RIMKLB: variants seen among roughly 807,000 people sequenced by gnomAD.
RIMKLB encodes the protein ribosomal modification protein rimK like family member B, also known as beta-citrylglutamate synthase B.
In RIMKLB, 7 loss-of-function variants were observed where a neutral mutation model predicts 32.0. The observed-to-expected ratio is 0.22, with a 90% CI of 0.12 to 0.41. The LOEUF is 0.41. RIMKLB is among the 10% of genes least tolerant of loss of function. RIMKLB has a pLI of 1.00. For synonymous variants in RIMKLB, 172 were observed against 185.1 expected (o/e 0.93, Z 0.57); for missense variants, 289 against 498.7 (o/e 0.58, Z 4.00).
chr12:8,684,912 C>G (rs1000714291), intron 1 of RIMKLB, among the ~76,000 whole-genome samples: 8 of 152,170 alleles, frequency 5.3e-5, no homozygotes, highest in Non-Finnish European at 1.0e-4. Context: ...CGTGAGCAAC[C>G]GCACCCAGCC....
Position 8,766,553 on chromosome 12 carries a change from T to A in RIMKLB, c.698-6768T>A, listed in dbSNP as rs1949984733. ...TTTTGATTCTGTAAGTACTTTAAGG[T>A]TTGGCTGAGTGCAAACAGCTCGCAG... is the stretch of plus-strand genomic sequence containing the variant. On this transcript the variant is annotated intron_variant, in intron 5 of 5. Coordinates refer to ENST00000535829, the MANE Select transcript of RIMKLB (RefSeq NM_001297776.2). 2.0e-5 allele frequency among the ~76,000 whole-genome samples: 3 copies of A among 152,194 alleles called. No individual in the cohort carries two copies. In the South Asian group the frequency reaches 6.2e-4, roughly 32 times the overall value.
Position 8,774,597 on chromosome 12 carries a change from C to G in RIMKLB, c.*813C>G. The G allele has an allele frequency of 2.1e-6, 2 of 958,856 alleles. No individual in the cohort carries two copies. Among genetic ancestry groups the G allele is most frequent in the Non-Finnish European group, 2.5e-6 (2 of 811,588 alleles). The allele number at this position is 958,856 out of a possible 1,614,324, so 59.4% of individuals were successfully genotyped here. The stretch of plus-strand genomic sequence containing the variant: ...CTTTTTTTTTTTTTTTTAATACATG[C>G]TAGTCTAACATTTCCTGCTCTATGC... On this transcript the variant is annotated 3_prime_UTR_variant, in exon 6 of 6. Coordinates refer to ENST00000535829, the MANE Select transcript of RIMKLB (RefSeq NM_001297776.2).
At position 8,772,195 on chromosome 12, in the gene RIMKLB, A is replaced by T. The variant is rs59580156; in HGVS notation, c.698-1126A>T. On this transcript the variant is annotated intron_variant, in intron 5 of 5. Transcript: ENST00000535829. ...CCATCACAGCTGGCCCAAATTTTTT[A>T]TCTTTATGATTTCACCTCACATTTT... Among the ~76,000 whole-genome samples, 357 of 152,234 alleles carry T rather than the reference A, an allele frequency of 2.3e-3. 4 individuals carry two copies. The highest frequency in any genetic ancestry group is 8.3e-3 in the African/African-American group (345 of 41,542).
downstream of RIMKLB, chr12:8,777,538 T>C: frequency 3.3e-6 from 4 of 1,223,368 alleles, no homozygotes; most frequent in Non-Finnish European, 4.2e-6. Context: ...ATTTTTTACA[T>C]TGTTTTTAAA....
At chr12:8,687,540 C>T (rs764974784) in intron 1 of RIMKLB, among the ~76,000 whole-genome samples, 1 of 152,216 alleles carries the variant, frequency 6.6e-6, no homozygotes, top group East Asian at 1.9e-4. Context: ...GCTCCATTTC[C>T]TCTCTCTGCC....
chr12:8,748,011 C>G (rs1948256169), intron 2 of RIMKLB, among the ~76,000 whole-genome samples: 1 of 152,168 alleles, frequency 6.6e-6, no homozygotes, highest in South Asian at 2.1e-4. Context: ...CCGCCTCTGC[C>G]TCCCAAAGTG....
chr12:8,760,181 A>G (rs771126655), intron 5 of RIMKLB, among the ~76,000 whole-genome samples: 150 of 152,134 alleles, frequency 9.9e-4, no homozygotes, highest in Non-Finnish European at 1.7e-3. Context: ...ACCTATGAGT[A>G]AGAACATGCG....
intron 5 of RIMKLB, among the ~76,000 whole-genome samples, chr12:8,760,310 A>G (rs1036756056): frequency 6.6e-6 from 1 of 152,160 alleles, no homozygotes; most frequent in Non-Finnish European, 1.5e-5. Context: ...TCCATGGTGT[A>G]TATGTGCCAC....
intron 1 of RIMKLB, among the ~76,000 whole-genome samples, chr12:8,710,895 A>T (rs1294904018): frequency 6.6e-6 from 1 of 151,144 alleles, no homozygotes; most frequent in Non-Finnish European, 1.5e-5. Flanking sequence ...TGGGAGGCCA[A>T]AGTGGGAGGA....
intron 2 of RIMKLB, among the ~76,000 whole-genome samples, chr12:8,716,590 G>C (rs920183609): frequency 6.9e-6 from 1 of 144,726 alleles, no homozygotes; most frequent in Non-Finnish European, 1.5e-5. Flanking sequence ...TAAGAGTGAA[G>C]TTTTAATTAA....
Position 8,774,695 on chromosome 12 carries a change from G to C in RIMKLB, c.*911G>C, listed in dbSNP as rs1424021134. 3.7e-5 allele frequency: 36 copies of C among 984,700 alleles called. No homozygotes were observed. The highest frequency in any genetic ancestry group is 4.1e-5 in the Non-Finnish European group (34 of 829,764). The allele number at this position is 984,700 out of a possible 1,614,324, so 61.0% of individuals were successfully genotyped here. On this transcript the variant is annotated 3_prime_UTR_variant, in exon 6 of 6. Coordinates refer to ENST00000535829, the MANE Select transcript of RIMKLB (RefSeq NM_001297776.2). The stretch of plus-strand genomic sequence containing the variant: ...TTAACAAGACACTGACTTGAAACAT[G>C]TACATTTAAAGCCTTTTATTTTTTC...
intron 2 of RIMKLB, among the ~76,000 whole-genome samples, chr12:8,720,063 T>C (rs1009514181): frequency 3.3e-5 from 5 of 152,196 alleles, no homozygotes; most frequent in African/African-American, 1.2e-4. Context: ...GCAAGATTGG[T>C]ACTGAGACTT....
At chr12:8,745,485 C>G (rs186791516) in intron 2 of RIMKLB, among the ~76,000 whole-genome samples, 2 of 151,848 alleles carry the variant, frequency 1.3e-5, no homozygotes, top group Admixed American at 1.3e-4. Context: ...ACCTCCGCCT[C>G]CCTGGTTCAA....
chr12:8,712,758 C>G (rs1029308992), intron 1 of RIMKLB, among the ~76,000 whole-genome samples: 3 of 152,206 alleles, frequency 2.0e-5, no homozygotes, highest in Non-Finnish European at 2.9e-5. Flanking sequence ...CTTGCTGGTA[C>G]CTGGGAGGGT....
chr12:8,695,559 A>T (rs1942861877), upstream of RIMKLB, among the ~76,000 whole-genome samples: 1 of 143,608 alleles, frequency 7.0e-6, no homozygotes, highest in African/African-American at 2.5e-5. Context: ...TTTAAGCCTT[A>T]TCATTGGCTT....
Position 8,776,589 on chromosome 12 carries a change from GT to G in RIMKLB, c.*2810del, listed in dbSNP as rs1950740273. ...TTCAAAAATGATTATTTCTGATATT[GT>G]TTTTATGTCACCCATGATGAAAACT... On this transcript the variant is annotated 3_prime_UTR_variant, in exon 6 of 6. Transcript: ENST00000535829. The G allele has an allele frequency of 1.2e-6, 1 of 837,548 alleles. No homozygotes were observed. The highest frequency in any genetic ancestry group is 1.4e-6 in the Non-Finnish European group (1 of 695,612). 51.9% of individuals were successfully genotyped at this position (837,548 alleles called of 1,614,324 possible). A position where few individuals can be genotyped will look rare whatever the true frequency, so the allele number is the denominator to read the frequency against.
chr12:8,757,826 A>G (rs777832375), intron 5 of RIMKLB, among the ~76,000 whole-genome samples: 23 of 152,338 alleles, frequency 1.5e-4, no homozygotes, highest in Middle Eastern at 3.4e-3. Flanking sequence ...ATATTGCCAA[A>G]TGATTCTCCA....
At chr12:8,717,051 G>A (rs1289147270) in intron 2 of RIMKLB, among the ~76,000 whole-genome samples, 1 of 141,942 alleles carries the variant, frequency 7.0e-6, no homozygotes, top group African/African-American at 2.6e-5. Flanking sequence ...TTCTAGGAGG[G>A]TTTTTCTTTT....
At chr12:8,767,796 C>G (rs964344013) in intron 5 of RIMKLB, among the ~76,000 whole-genome samples, 1 of 152,214 alleles carries the variant, frequency 6.6e-6, no homozygotes, top group Non-Finnish European at 1.5e-5. Flanking sequence ...CTTTCCCAGA[C>G]AACCTCACAC....
Sources: gnomAD v4.1 joint callset for allele counts (sites outside exome capture counted in the v4.1 genomes callset) on GRCh38, gnomAD v4.1.1 for gene constraint, MANE v1.5 for transcripts, NCBI Gene and HGNC (gene_info 2026-07-23, HGNC 2026-07-21) for gene names.